The following KLRG1 variants were observed in gnomAD, a reference collection of about 807,000 sequenced individuals.
KLRG1 encodes the protein killer cell lectin-like receptor subfamily G member 1.
In KLRG1, 16 loss-of-function variants were observed where a neutral mutation model predicts 21.8. The ratio of observed to expected loss-of-function variants is 0.73; its 90% CI spans 0.50 to 1.11. The LOEUF (loss-of-function observed/expected upper bound fraction) is 1.11. Among genes scored for constraint, KLRG1 ranks in the 50% most tolerant of loss-of-function variants. The pLI, the probability that KLRG1 is intolerant of heterozygous loss-of-function variation, is 0.00. For synonymous variants in KLRG1, 69 were observed against 75.9 expected (o/e 0.91, Z 0.47); for missense variants, 173 against 218.3 (o/e 0.79, Z 1.31).
the KLRG1 span, chr12:9,090,345 T>C: frequency 6.2e-7 from 1 of 1,613,930 alleles, no homozygotes; most frequent in Non-Finnish European, 8.5e-7. Context: ...CTCTAGCAGT[T>C]TTTTGCTCAC....
the KLRG1 span, among the ~76,000 whole-genome samples, chr12:9,019,180 C>CTGATGTACCTCTGATGT: frequency 6.6e-6 from 1 of 152,218 alleles, no homozygotes; most frequent in Non-Finnish European, 1.5e-5. Context: ...AGGTACTCAA[C>CTGATGTACCTCTGATGT]ATCACTGATC....
At chr12:8,951,104 A>G (rs1946194391) in intron 1 of KLRG1, among the ~76,000 whole-genome samples, 1 of 152,220 alleles carries the variant, frequency 6.6e-6, no homozygotes, top group African/African-American at 2.4e-5. Context: ...ACAGAAAACA[A>G]CAAAACAAAA....
the KLRG1 span, among the ~76,000 whole-genome samples, chr12:9,032,697 A>G: frequency 2.0e-5 from 3 of 152,198 alleles, no homozygotes; most frequent in African/African-American, 7.2e-5. Context: ...ACTCCTGTAG[A>G]TGACATCAAC....
At chr12:9,100,572 G>T in the KLRG1 span, among the ~76,000 whole-genome samples, 2 of 151,964 alleles carry the variant, frequency 1.3e-5, no homozygotes, top group African/African-American at 4.8e-5. Flanking sequence ...AGCCATCATA[G>T]CTGGCCCACA....
At chr12:9,004,620 G>A (rs1470729801) in intron 3 of KLRG1, among the ~76,000 whole-genome samples, 2 of 152,028 alleles carry the variant, frequency 1.3e-5, no homozygotes, top group Admixed American at 6.6e-5. Flanking sequence ...CCAAGTACAA[G>A]CACATGCCAC....
At chr12:9,090,154 T>A in the KLRG1 span, 1 of 1,397,990 alleles carries the variant, frequency 7.2e-7, no homozygotes, top group Non-Finnish European at 9.8e-7. Flanking sequence ...AACGGAAACA[T>A]GCAAATGAGA....
the KLRG1 span, chr12:9,077,823 C>A: frequency 9.9e-6 from 16 of 1,614,016 alleles, no homozygotes; most frequent in Non-Finnish European, 1.4e-5. Context: ...TAGGCTCGAG[C>A]TTGGGCAAAA....
the KLRG1 span, among the ~76,000 whole-genome samples, chr12:9,098,083 CTT>C: frequency 1.3e-5 from 2 of 152,170 alleles, no homozygotes; most frequent in Non-Finnish European, 2.9e-5. Context: ...ATTTTAAGGA[CTT>C]TGGGTACTGT....
At chr12:8,964,401 C>T (rs1156422697) in intron 1 of KLRG1, among the ~76,000 whole-genome samples, 1 of 152,236 alleles carries the variant, frequency 6.6e-6, no homozygotes, top group South Asian at 2.1e-4. Flanking sequence ...GTCTGAGAGA[C>T]AGTTTGTTAT....
intron 3 of KLRG1, among the ~76,000 whole-genome samples, chr12:9,003,316 CT>C (rs936514804): frequency 2.0e-5 from 3 of 152,002 alleles, no homozygotes; most frequent in African/African-American, 4.8e-5. Flanking sequence ...GGGAATCACT[CT>C]TTTTTTCCTT....
At chr12:9,175,615 A>G in the KLRG1 span, among the ~76,000 whole-genome samples, 1 of 152,212 alleles carries the variant, frequency 6.6e-6, no homozygotes, top group African/African-American at 2.4e-5. Context: ...CAAATTTACA[A>G]GAAATAAAAA....
At chr12:9,210,106 G>A in the KLRG1 span, among the ~76,000 whole-genome samples, 1 of 152,084 alleles carries the variant, frequency 6.6e-6, no homozygotes, top group Non-Finnish European at 1.5e-5. Flanking sequence ...ATATATGTAT[G>A]TACATCTTGA....
chr12:9,209,289 C>A, the KLRG1 span, among the ~76,000 whole-genome samples: 1 of 152,090 alleles, frequency 6.6e-6, no homozygotes, highest in Non-Finnish European at 1.5e-5. Context: ...ATATTTCAGC[C>A]TAATCATCCC....
chr12:9,008,582 G>T (rs1947544987), intron 3 of KLRG1, among the ~76,000 whole-genome samples: 1 of 151,310 alleles, frequency 6.6e-6, no homozygotes, highest in Non-Finnish European at 1.5e-5. Context: ...CCAACATCAA[G>T]GTTCTCTGGC....
chr12:9,079,984 GAAGA>G, the KLRG1 span: 1 of 926,818 alleles, frequency 1.1e-6, no homozygotes, highest in Admixed American at 3.2e-5. Context: ...AAGAAGAAGA[GAAGA>G]AAGAAGTTAA....
chr12:9,162,651 T>TGAAA, the KLRG1 span: 1 of 1,587,132 alleles, frequency 6.3e-7, no homozygotes, highest in Admixed American at 1.7e-5. Context: ...CCTTCAGCCT[T>TGAAA]GGATGAAAGG....
At chr12:9,152,693 A>G in the KLRG1 span, 1 of 954,106 alleles carries the variant, frequency 1.0e-6, no homozygotes, top group Non-Finnish European at 1.5e-6. Flanking sequence ...TAAAAGCCTA[A>G]ATTCATTTAT....
At chr12:9,106,153 G>T in the KLRG1 span, 2 of 763,232 alleles carry the variant, frequency 2.6e-6, no homozygotes, top group Non-Finnish European at 4.4e-6. Context: ...CATTAACCAG[G>T]CATGGTTTTA....
chr12:9,112,214 G>T, the KLRG1 span: 1 of 1,613,792 alleles, frequency 6.2e-7, no homozygotes, highest in Non-Finnish European at 8.5e-7. Context: ...AAATTTCACT[G>T]AAACAGAAAT....
Sources: allele counts gnomAD v4.1 joint callset (sites outside exome capture counted in the v4.1 genomes callset), GRCh38; gene constraint gnomAD v4.1.1; transcripts MANE v1.5; gene names NCBI Gene and HGNC (gene_info 2026-07-23, HGNC 2026-07-21).